OTOG: variants seen among roughly 807,000 people sequenced by gnomAD.
OTOG encodes otogelin.
Under a neutral mutation model 313.8 loss-of-function variants are expected in OTOG, and 296 were observed. That is an observed-to-expected ratio of 0.94 (90% confidence interval 0.86 to 1.04). The LOEUF is 1.04. Among genes scored for constraint, OTOG ranks in the 50% least tolerant of loss-of-function variants. OTOG has a pLI of 0.00. For missense variants in OTOG, 3,948 were observed against 3,840.1 expected, an observed-to-expected ratio of 1.03 and a Z score of -0.74; for synonymous variants, 1,533 against 1,554.9, an observed-to-expected ratio of 0.99 and a Z score of 0.33.
intron 39 of OTOG, among the ~76,000 whole-genome samples, chr11:17,620,169 C>T (rs1853829133): frequency 6.6e-6 from 1 of 152,088 alleles, no homozygotes; most frequent in Admixed American, 6.5e-5. Flanking sequence ...ATTGTGCAAC[C>T]ATTGCCTCTG....
chr11:17,571,115 C>A (rs948424205), intron 17 of OTOG, among the ~76,000 whole-genome samples: 1 of 152,180 alleles, frequency 6.6e-6, no homozygotes, highest in African/African-American at 2.4e-5. Flanking sequence ...TTAGCCAAAA[C>A]GGAGAATTCA....
Position 17,578,508 on chromosome 11 carries a change from G to A in OTOG, c.2741G>A (p.Gly914Asp). 6.5e-7 allele frequency: 1 copy of A among 1,537,160 alleles called. No homozygotes were observed. The highest frequency in any genetic ancestry group is 8.7e-7 in the Non-Finnish European group (1 of 1,146,180). The change falls in exon 23 of 56, where the codon GGC becomes GAC. Residue 914 changes from glycine (G) to aspartate (D), a missense_variant. Physicochemically the swap from Gly to Asp is moderately conservative, Grantham distance 94. Transcript: ENST00000399397. ...TCAGCCCGTGGCCCCTGCCTCTCGGGCTGCGCCTGTCCCCAGGGGTAAGTA... is the reference window on the plus strand; with the variant it reads ...TCAGCCCGTGGCCCCTGCCTCTCGGACTGCGCCTGTCCCCAGGGGTAAGTA... ...SVSARGPCLS[G>D]CACPQGLLRH...
chr11:17,622,426 A>G (rs557549832), intron 39 of OTOG, among the ~76,000 whole-genome samples: 3 of 152,278 alleles, frequency 2.0e-5, no homozygotes, highest in South Asian at 2.1e-4. Context: ...TTAAATTACT[A>G]TTGACTGTAG....
At chr11:17,625,163 G>A (rs1853954099) in intron 39 of OTOG, among the ~76,000 whole-genome samples, 1 of 152,150 alleles carries the variant, frequency 6.6e-6, no homozygotes, top group African/African-American at 2.4e-5. Flanking sequence ...TCTCTTGCCT[G>A]ATTGCTCTGG....
intron 23 of OTOG, among the ~76,000 whole-genome samples, chr11:17,581,249 C>A (rs1852658988): frequency 6.6e-6 from 1 of 152,104 alleles, no homozygotes; most frequent in Admixed American, 6.5e-5. Flanking sequence ...GGAGTTCAGC[C>A]TCCAGATCCC....
At chr11:17,635,826 C>G in intron 47 of OTOG, 115 bp downstream of exon 47, 1 of 835,582 alleles carries the variant, frequency 1.2e-6, no homozygotes, top group Non-Finnish European at 1.9e-6. Flanking sequence ...AGGTGGTGAG[C>G]TCTGGAGGGG....
In OTOG at chr11:17,631,061, T is replaced by C. The variant is rs527942215; in HGVS notation, c.6713-641T>C. On this transcript the variant is annotated intron_variant, in intron 40 of 55. Coordinates refer to ENST00000399397, the MANE Select transcript of OTOG (RefSeq NM_001292063.2). ...AGGAGAGGAGACAGGTGGGAAGTTT[T>C]TATGAACTAGGCCTGGAGGTGGTAC... Among the ~76,000 whole-genome samples, 9 of 152,326 alleles carry C rather than the reference T, an allele frequency of 5.9e-5. No individual in the cohort carries two copies. The South Asian group carries it at 1.2e-3, about 21-fold the overall frequency.
In OTOG at chr11:17,559,157, A is replaced by T; in HGVS notation, c.1209A>T (p.Gln403His). The T allele has an allele frequency of 1.3e-6, 2 of 1,537,226 alleles. No homozygotes were observed. The highest frequency in any genetic ancestry group is 1.7e-6 in the Non-Finnish European group (2 of 1,146,272). Residue 403 changes from glutamine (Q) to histidine (H), a missense_variant, in exon 11 of 56, where the codon CAA becomes CAT. Physicochemically the swap from Gln to His is conservative, Grantham distance 24. Transcript: ENST00000399397. The part of the protein sequence containing the change: ...PLQGWRTQLR[Q>H]CTVHCKEKAF... Reference sequence around the variant, plus strand: ...AAGGCTGGAGGACCCAGCTCCGGCAATGCAGTAGGTGCAGCCCAGTAGTGG... The same window carrying T: ...AAGGCTGGAGGACCCAGCTCCGGCATTGCAGTAGGTGCAGCCCAGTAGTGG...
At chr11:17,639,518 C>A (rs1461294743) in intron 49 of OTOG, 55 bp downstream of exon 49, 1 of 1,511,850 alleles carries the variant, frequency 6.6e-7, no homozygotes, top group Non-Finnish European at 9.0e-7. Context: ...TTCCTTTCCT[C>A]TCTATCCCCT....
chr11:17,559,043 T>C lies in OTOG; in HGVS notation c.1104-9T>C, dbSNP rs1196775464. On this transcript the variant is annotated splice_polypyrimidine_tract_variant and intron_variant, in intron 10 of 55. Coordinates refer to ENST00000399397, the MANE Select transcript of OTOG (RefSeq NM_001292063.2). ...TTGTTCCAGTGTGACCCTTGGTTTCTCTGCACAGATCAATGGGTGATGTAG... is the reference window on the plus strand; with the variant it reads ...TTGTTCCAGTGTGACCCTTGGTTTCCCTGCACAGATCAATGGGTGATGTAG... 6.5e-7 allele frequency: 1 copy of C among 1,546,978 alleles called. No homozygotes were observed. Among genetic ancestry groups the C allele is most frequent in the African/African-American group, 1.4e-5 (1 of 73,126 alleles).
Position 17,609,658 on chromosome 11 carries a change from TGG to T in OTOG, c.4359_4360del (p.Glu1454AlafsTer13). On this transcript the variant is annotated frameshift_variant, in exon 36 of 56. Transcript: ENST00000399397. LOFTEE classifies it high-confidence loss of function. Reference sequence around the variant, plus strand: ...ACCTCTTCTTTTGTCTCCGCAGGTGTGGAGCCAGCAGTTTGGGTTCCCACAGA... The same window carrying T: ...ACCTCTTCTTTTGTCTCCGCAGGTGTAGCCAGCAGTTTGGGTTCCCACAGA... 1 of 1,486,448 alleles carries T rather than the reference TGG, an allele frequency of 6.7e-7. No individual in the cohort carries two copies. Among genetic ancestry groups the T allele is most frequent in the Non-Finnish European group, 9.0e-7 (1 of 1,113,688 alleles). 92.1% of individuals were successfully genotyped at this position (1,486,448 alleles called of 1,614,324 possible). A position where few individuals can be genotyped will look rare whatever the true frequency, so the allele number is the denominator to read the frequency against.
At chr11:17,569,968 G>T (rs1162968890) in intron 16 of OTOG, among the ~76,000 whole-genome samples, 1 of 152,186 alleles carries the variant, frequency 6.6e-6, no homozygotes, top group African/African-American at 2.4e-5. Flanking sequence ...GGCACTTGAT[G>T]CTAAAAAAAA....
intron 32 of OTOG, among the ~76,000 whole-genome samples, chr11:17,602,838 G>C (rs2134076162): frequency 6.6e-6 from 1 of 152,244 alleles, no homozygotes; most frequent in East Asian, 1.9e-4. Flanking sequence ...AGGGATACAA[G>C]AGACAAGGTC....
At position 17,610,961 on chromosome 11, in the gene OTOG, C is replaced by T. The variant is rs935172733; in HGVS notation, c.5661C>T (p.Val1887=). The T allele has an allele frequency of 5.8e-6, 9 of 1,550,486 alleles. No homozygotes were observed. Among genetic ancestry groups the T allele is most frequent in the Non-Finnish European group, 7.0e-6 (8 of 1,147,022 alleles). The change falls in exon 36 of 56, where the codon GTC becomes GTT. Residue 1887 remains valine (V), a synonymous_variant. Transcript: ENST00000399397. ...GAGCCACATTGCCAACCTCTGGAGTCCTGCCTGTGGCTGAGGGCACGGCCT... is the reference window on the plus strand; with the variant it reads ...GAGCCACATTGCCAACCTCTGGAGTTCTGCCTGTGGCTGAGGGCACGGCCT... ...LLGATLPTSG[V]LPVAEGTASM...
intron 23 of OTOG, among the ~76,000 whole-genome samples, chr11:17,581,033 G>A (rs559785830): frequency 7.9e-5 from 12 of 152,358 alleles, no homozygotes; most frequent in African/African-American, 2.9e-4. Flanking sequence ...GTGGGTGGAT[G>A]TGTAGAAACT....
chr11:17,551,840 C>T (rs185460387), intron 3 of OTOG, among the ~76,000 whole-genome samples, 160 bp from the exon 4 acceptor site: 1 of 152,210 alleles, frequency 6.6e-6, no homozygotes, highest in East Asian at 1.9e-4. Context: ...TCCTCTGCCT[C>T]TCGAGGGGGC....
chr11:17,639,347 A>G (rs1847919129), intron 48 of OTOG, 76 bp from the exon 49 acceptor site: 1 of 1,471,216 alleles, frequency 6.8e-7, no homozygotes, highest in African/African-American at 1.4e-5. Context: ...GCCAGCAGTG[A>G]GAGGTCCAGG....
At chr11:17,633,505 G>A (rs1487779736) in intron 42 of OTOG, among the ~76,000 whole-genome samples, 175 bp from the exon 43 acceptor site, 2 of 152,218 alleles carry the variant, frequency 1.3e-5, no homozygotes. Context: ...GTACTTTGCT[G>A]AGTCCTGATC....
intron 3 of OTOG, among the ~76,000 whole-genome samples, chr11:17,550,035 T>C (rs1363029173): frequency 6.6e-6 from 1 of 152,210 alleles, no homozygotes; most frequent in African/African-American, 2.4e-5. Context: ...GGTCCATGGA[T>C]GGGGGAAAAT....
Sources: gnomAD v4.1 joint callset for allele counts (sites outside exome capture counted in the v4.1 genomes callset) on GRCh38, gnomAD v4.1.1 for gene constraint, MANE v1.5 for transcripts, NCBI Gene and HGNC (gene_info 2026-07-23, HGNC 2026-07-21) for gene names.